The following RPIA variants were observed in gnomAD, a reference collection of about 807,000 sequenced individuals.
RPIA encodes the protein ribose 5-phosphate isomerase A.
A neutral mutation model predicts 37.8 loss-of-function variants in RPIA; 29 were observed. That is an observed-to-expected ratio of 0.77 (90% confidence interval 0.57 to 1.05). The LOEUF is 1.05. Among genes scored for constraint, RPIA ranks in the 50% least tolerant of loss-of-function variants. The pLI is 0.00. For missense variants in RPIA, 385 were observed against 413.6 expected, an observed-to-expected ratio of 0.93 and a Z score of 0.60; for synonymous variants, 167 against 157.0, an observed-to-expected ratio of 1.06 and a Z score of -0.48.
At chr2:88,725,354 A>C (rs1469232223) in intron 3 of RPIA, among the ~76,000 whole-genome samples, 2 of 152,012 alleles carry the variant, frequency 1.3e-5, no homozygotes, top group African/African-American at 2.4e-5. Flanking sequence ...AAAAAAAAAA[A>C]AACAGAAATG....
intron 8 of RPIA, among the ~76,000 whole-genome samples, chr2:88,748,095 A>G (rs920251066): frequency 2.0e-5 from 3 of 152,214 alleles, no homozygotes; most frequent in Admixed American, 6.5e-5. Flanking sequence ...TTTCCAACCA[A>G]CTAGTTACCC....
chr2:88,750,202 G>T lies in RPIA; in HGVS notation c.*124G>T, dbSNP rs986636562. The T allele has an allele frequency of 9.6e-6, 6 of 625,600 alleles. No homozygotes were observed. The highest frequency in any genetic ancestry group is 1.5e-5 in the Non-Finnish European group (5 of 332,732). The allele number at this position is 625,600 out of a possible 1,614,324, so 38.8% of individuals were successfully genotyped here. ...GACAACTTGTGGTGGGGGGTGGGGG[G>T]AAGAGTGGGAGGGGGAGTTAAATCC... On this transcript the variant is annotated 3_prime_UTR_variant, in exon 9 of 9. Transcript: ENST00000283646.
chr2:88,691,688 G>C lies in RPIA; in HGVS notation c.-11G>C, dbSNP rs767772658. ...GCGGGACTTCAGCGGAGGCCGGAGC[G>C]AGGCGTCGGGATGCAGCGCCCCGGG... is the stretch of plus-strand genomic sequence containing the variant. On this transcript the variant is annotated 5_prime_UTR_variant, in exon 1 of 9. Transcript: ENST00000283646. The C allele has an allele frequency of 1.9e-6, 3 of 1,567,810 alleles. No individual in the cohort carries two copies. Among genetic ancestry groups the C allele is most frequent in the African/African-American group, 1.4e-5 (1 of 73,394 alleles).
At chr2:88,726,438 T>C (rs975732434) in intron 3 of RPIA, among the ~76,000 whole-genome samples, 1 of 152,132 alleles carries the variant, frequency 6.6e-6, no homozygotes, top group African/African-American at 2.4e-5. Context: ...ACAATTCTTC[T>C]TCCAGTGTGA....
In RPIA at chr2:88,717,113, T is replaced by A. The variant is rs573778649; in HGVS notation, c.403-12165T>A. On this transcript the variant is annotated intron_variant, in intron 3 of 8. Transcript: ENST00000283646. ...AATGGTCTTTGGAATGGGGGTCTTA[T>A]GACCTACAGTCAGACAAAATAGGCG... 2.6e-5 allele frequency among the ~76,000 whole-genome samples: 4 copies of A among 152,326 alleles called. No individual in the cohort carries two copies. In the East Asian group the frequency reaches 5.8e-4, roughly 22 times the overall value.
At chr2:88,734,404 T>G (rs955595707) in intron 4 of RPIA, 148 bp from the exon 5 acceptor site, 2 of 763,752 alleles carry the variant, frequency 2.6e-6, no homozygotes, top group African/African-American at 3.4e-5. Flanking sequence ...GCTTAACCTC[T>G]TGTAGCTCAA....
chr2:88,734,205 C>T (rs1673287039), intron 4 of RPIA, among the ~76,000 whole-genome samples: 1 of 151,962 alleles, frequency 6.6e-6, no homozygotes, highest in Non-Finnish European at 1.5e-5. Context: ...TATTCCCCCA[C>T]CAAAAACTAA....
intron 1 of RPIA, 119 bp from the exon 2 acceptor site, chr2:88,698,365 T>G (rs753855980): frequency 3.4e-6 from 3 of 875,966 alleles, no homozygotes; most frequent in Non-Finnish European, 5.8e-6. Context: ...AGTACCTGTC[T>G]TGTACCTGTG....
At chr2:88,738,168 G>A (rs1673338524) in intron 8 of RPIA, 92 bp downstream of exon 8, 1 of 892,124 alleles carries the variant, frequency 1.1e-6, no homozygotes. Flanking sequence ...ATGGACATGG[G>A]CTTTGTAAGG....
In RPIA at chr2:88,700,101, T is replaced by A. The variant is rs1336612684; in HGVS notation, c.402+37T>A. Reference sequence around the variant, plus strand: ...TTTCCATCTGCATCGTGACAGCTTCTGCTGTATCTTCTGGTTCCCCGGGGT... The same window carrying A: ...TTTCCATCTGCATCGTGACAGCTTCAGCTGTATCTTCTGGTTCCCCGGGGT... On this transcript the variant is annotated intron_variant, in intron 3 of 8. Transcript: ENST00000283646. 3 of 1,596,130 alleles carry A rather than the reference T, an allele frequency of 1.9e-6. No individual in the cohort carries two copies. In the South Asian group the frequency reaches 3.3e-5, roughly 18 times the overall value.
intron 3 of RPIA, among the ~76,000 whole-genome samples, chr2:88,708,619 T>C (rs1573464045): frequency 6.6e-6 from 1 of 152,220 alleles, no homozygotes; most frequent in African/African-American, 2.4e-5. Context: ...GCTGTCCTGT[T>C]TCATAGGTTG....
chr2:88,717,481 A>G (rs1673050802), intron 3 of RPIA, among the ~76,000 whole-genome samples: 1 of 152,202 alleles, frequency 6.6e-6, no homozygotes, highest in African/African-American at 2.4e-5. Context: ...TCCAGGTCAT[A>G]GGTAAATAAG....
Position 88,702,871 on chromosome 2 carries a change from T to C in RPIA, c.402+2807T>C, listed in dbSNP as rs896277535. ...GGCAAGTCACTTCAGCTTGTAAGCCTATAAAATCAAAAGCAAGCTAGTTAT... is the reference window on the plus strand; with the variant it reads ...GGCAAGTCACTTCAGCTTGTAAGCCCATAAAATCAAAAGCAAGCTAGTTAT... On this transcript the variant is annotated intron_variant, in intron 3 of 8. Transcript: ENST00000283646. Among the ~76,000 whole-genome samples, 3 of 152,216 alleles carry C rather than the reference T, an allele frequency of 2.0e-5. No homozygotes were observed. In the East Asian group the frequency reaches 5.8e-4, roughly 29 times the overall value.
intron 6 of RPIA, 75 bp from the exon 7 acceptor site, chr2:88,736,460 G>C (rs1485554910): frequency 1.9e-6 from 3 of 1,542,076 alleles, no homozygotes; most frequent in South Asian, 1.1e-5. Flanking sequence ...CATTAACCCT[G>C]TTCCTGAATT....
chr2:88,692,581 C>T (rs571097354), intron 1 of RPIA, among the ~76,000 whole-genome samples: 1 of 152,108 alleles, frequency 6.6e-6, no homozygotes, highest in Non-Finnish European at 1.5e-5. Flanking sequence ...AGATGTTTAG[C>T]TGTTATTCAG....
chr2:88,719,789 C>T (rs1210387821), intron 3 of RPIA, among the ~76,000 whole-genome samples: 1 of 152,148 alleles, frequency 6.6e-6, no homozygotes, highest in Non-Finnish European at 1.5e-5. Context: ...ATATAACTTC[C>T]ATAAGTCTTT....
intron 8 of RPIA, among the ~76,000 whole-genome samples, chr2:88,741,187 C>T (rs1673377602): frequency 6.6e-6 from 1 of 152,152 alleles, no homozygotes; most frequent in African/African-American, 2.4e-5. Flanking sequence ...GTACCCAATG[C>T]ATAGTCTTTT....
intron 3 of RPIA, among the ~76,000 whole-genome samples, chr2:88,727,506 C>G (rs549356594): frequency 1.3e-5 from 2 of 152,292 alleles, no homozygotes; most frequent in Admixed American, 6.5e-5. Context: ...AGGTGTTAAG[C>G]CTAGTACCCA....
At chr2:88,702,559 C>T (rs116746483) in intron 3 of RPIA, among the ~76,000 whole-genome samples, 2,318 of 150,424 alleles carry the variant, frequency 0.015, 44 homozygotes, top group Non-Finnish European at 0.019. Flanking sequence ...CATCAGATCT[C>T]GTGAGACTTG....
Sources: gnomAD v4.1 joint callset for allele counts (sites outside exome capture counted in the v4.1 genomes callset) on GRCh38, gnomAD v4.1.1 for gene constraint, MANE v1.5 for transcripts, NCBI Gene and HGNC (gene_info 2026-07-23, HGNC 2026-07-21) for gene names.